The following PDXK variants were observed in gnomAD, a reference collection of about 807,000 sequenced individuals.
PDXK encodes epididymis secretory sperm binding protein Li 1a.
Under a neutral mutation model 43.2 loss-of-function variants are expected in PDXK, and 15 were observed. The ratio of observed to expected loss-of-function variants is 0.35; its 90% CI spans 0.23 to 0.53. The LOEUF is 0.53. Among genes scored for constraint, PDXK ranks in the 20% least tolerant of loss-of-function variants. PDXK has a pLI of 0.92. For synonymous variants in PDXK, 172 were observed against 165.4 expected (o/e 1.04, Z -0.31); for missense variants, 343 against 417.0 (o/e 0.82, Z 1.54).
At position 43,755,998 on chromosome 21, in the gene PDXK, C is replaced by CG; in HGVS notation, c.876dup (p.Met293AspfsTer55). 6.2e-7 allele frequency: 1 copy of CG among 1,613,184 alleles called. No individual in the cohort carries two copies. Among genetic ancestry groups the CG allele is most frequent in the Non-Finnish European group, 8.5e-7 (1 of 1,179,614 alleles). On this transcript the variant is annotated frameshift_variant, in exon 11 of 11. Coordinates refer to ENST00000291565, the MANE Select transcript of PDXK (RefSeq NM_003681.5). LOFTEE classifies it high-confidence loss of function. ...GCCCAGCCCCATGCAGCTGGAGCTG[C>CG]GGATGGTGCAGAGCAAAAGGGACAT... is the stretch of plus-strand genomic sequence containing the variant.
intron 4 of PDXK, chr21:43,744,408 G>A (rs1283403261): frequency 6.2e-6 from 1 of 160,374 alleles, no homozygotes; most frequent in Non-Finnish European, 1.4e-5. Flanking sequence ...GGTCTCCCGG[G>A]TGGCAGGAGG....
intron 2 of PDXK, among the ~76,000 whole-genome samples, chr21:43,736,629 G>GTTTTTTTTTTT (rs34234452): frequency 3.4e-5 from 4 of 118,646 alleles, no homozygotes; most frequent in African/African-American, 1.3e-4. Flanking sequence ...TCCTTTTTCT[G>GTTTTTTTTTTT]TTTTTTTTTT....
rs528008262 is a variant in PDXK at position 43,754,537 on chromosome 21, G to A, written c.759+818G>A. Among the ~76,000 whole-genome samples, 5 of 152,248 alleles carry A rather than the reference G, an allele frequency of 3.3e-5. No individual in the cohort carries two copies. Among genetic ancestry groups the A allele is most frequent in the East Asian group, 1.9e-4 (1 of 5,166 alleles). On this transcript the variant is annotated intron_variant, in intron 9 of 10. Transcript: ENST00000291565. This position sits in a 1 kb window ranked among gnomAD's most constrained non-coding sequence, Gnocchi z 5.5. ...CTGGAGTGTGTCTTCTTACAACACCGTCCAGAGCCGTGCTGTGCTCTGAGG... is the reference window on the plus strand; with the variant it reads ...CTGGAGTGTGTCTTCTTACAACACCATCCAGAGCCGTGCTGTGCTCTGAGG...
rs2083419449 is a variant in PDXK, at chr21:43,737,210, T to C, written c.142+3087T>C. The C allele has an allele frequency of 1.4e-6, 2 of 1,435,132 alleles. No homozygotes were observed. The highest frequency in any genetic ancestry group is 3.0e-5 in the South Asian group (2 of 67,660). 88.9% of individuals were successfully genotyped at this position (1,435,132 alleles called of 1,614,324 possible). ...TGTTCCACACAAGCTGCGTTGTTGG[T>C]TCCCTGACGCCCTTCAGGCTGGGGG... On this transcript the variant is annotated intron_variant, in intron 2 of 10. Coordinates refer to ENST00000291565, the MANE Select transcript of PDXK (RefSeq NM_003681.5). This position sits in a 1 kb window ranked among gnomAD's most constrained non-coding sequence, Gnocchi z 4.8.
chr21:43,747,463 C>T (rs374151120), intron 5 of PDXK, among the ~76,000 whole-genome samples: 10 of 152,352 alleles, frequency 6.6e-5, no homozygotes, highest in Admixed American at 3.3e-4. Flanking sequence ...CTCCCTGCCC[C>T]GCTGGGTCAG....
Position 43,737,248 on chromosome 21 carries a change from A to G in PDXK, c.142+3125A>G. 1 of 1,425,022 alleles carries G rather than the reference A, an allele frequency of 7.0e-7. No individual in the cohort carries two copies. Among genetic ancestry groups the G allele is most frequent in the Non-Finnish European group, 9.2e-7 (1 of 1,092,830 alleles). 88.3% of individuals were successfully genotyped at this position (1,425,022 alleles called of 1,614,324 possible). ...TTCAGGCTGGGGGGTGGGAAAGCCG[A>G]TCCCCCAAGTGCCTGCAGAGCCCAC... is the stretch of plus-strand genomic sequence containing the variant. On this transcript the variant is annotated intron_variant, in intron 2 of 10. Transcript: ENST00000291565. This position sits in a 1 kb window ranked among gnomAD's most constrained non-coding sequence, Gnocchi z 4.8.
chr21:43,722,727 G>A (rs2083216902), intron 1 of PDXK, among the ~76,000 whole-genome samples: 1 of 152,158 alleles, frequency 6.6e-6, no homozygotes. Flanking sequence ...GTCCTCACGT[G>A]GCCTCCGCCC....
chr21:43,741,134 A>C, intron 2 of PDXK: 1 of 81,480 alleles, frequency 1.2e-5, no homozygotes, highest in African/African-American at 5.2e-5. Context: ...CGTAGTAACC[A>C]TCCCTGACAG....
intron 1 of PDXK, among the ~76,000 whole-genome samples, chr21:43,726,012 T>TTCTCTCTCTC (rs60147387): frequency 2.0e-5 from 3 of 147,750 alleles, no homozygotes; most frequent in African/African-American, 7.5e-5. Flanking sequence ...CTAGCTGGGA[T>TTCTCTCTCTC]TCTCTCTCTC....
chr21:43,733,613 C>T (rs941279256), intron 1 of PDXK: 2 of 1,039,086 alleles, frequency 1.9e-6, no homozygotes, highest in African/African-American at 1.7e-5. Flanking sequence ...CCCGCGGAGC[C>T]CTTGGCCTGA....
intron 2 of PDXK, among the ~76,000 whole-genome samples, chr21:43,736,710 G>A (rs1021591775): frequency 4.1e-5 from 6 of 145,594 alleles, no homozygotes; most frequent in African/African-American, 1.5e-4. Context: ...ATGACTCACT[G>A]CAGCCTTGAC....
chr21:43,742,978 G>A (rs919761966), intron 3 of PDXK, among the ~76,000 whole-genome samples: 2 of 152,286 alleles, frequency 1.3e-5, no homozygotes, highest in East Asian at 1.9e-4. Flanking sequence ...GTGAAGCACA[G>A]CGTTTCTGTT....
chr21:43,741,982 T>C (rs1000000157), intron 3 of PDXK, among the ~76,000 whole-genome samples: 8 of 152,066 alleles, frequency 5.3e-5, no homozygotes, highest in African/African-American at 1.7e-4. Context: ...CTGCCCAGGC[T>C]GTGCCAAGTC....
At chr21:43,744,730 A>G (rs2083606542) in intron 4 of PDXK, 1 of 152,276 alleles carries the variant, frequency 6.6e-6, no homozygotes, top group Non-Finnish European at 1.5e-5. Context: ...CAAGTGGAAC[A>G]CCATCACCAT....
At position 43,756,012 on chromosome 21, in the gene PDXK, C is replaced by T. The variant is rs2083844232; in HGVS notation, c.888C>T (p.Ser296=). 1 of 1,613,312 alleles carries T rather than the reference C, an allele frequency of 6.2e-7. No individual in the cohort carries two copies. The highest frequency in any genetic ancestry group is 8.5e-7 in the Non-Finnish European group (1 of 1,179,736). ...AGCTGGAGCTGCGGATGGTGCAGAG[C>T]AAAAGGGACATCGAGGACCCAGAGA... The part of the protein sequence containing the change: ...PMQLELRMVQ[S]KRDIEDPEIV... The change falls in exon 11 of 11, where the codon AGC becomes AGT. Residue 296 remains serine, a synonymous_variant. Transcript: ENST00000291565.
intron 1 of PDXK, chr21:43,719,751 G>GC (rs2083191275): frequency 5.1e-6 from 5 of 985,482 alleles, no homozygotes; most frequent in Admixed American, 6.1e-5. Context: ...ATGTCGCAGA[G>GC]CCCCGAGGAG....
intron 2 of PDXK, chr21:43,738,475 TG>T (rs2083440710): frequency 6.6e-6 from 1 of 152,212 alleles, no homozygotes; most frequent in South Asian, 2.1e-4. Context: ...GTGGAATGCC[TG>T]TATAAACTGG....
At chr21:43,738,114 AG>A in intron 2 of PDXK, 1 of 912,060 alleles carries the variant, frequency 1.1e-6, no homozygotes, top group Non-Finnish European at 1.3e-6. Flanking sequence ...CCTTAACCCC[AG>A]CACCTCAGTG....
Position 43,752,637 on chromosome 21 carries a change from C to T in PDXK, c.622+8C>T, listed in dbSNP as rs1390207842. 1.0e-5 allele frequency: 16 copies of T among 1,541,750 alleles called. No homozygotes were observed. The highest frequency in any genetic ancestry group is 1.7e-5 in the Admixed American group (1 of 59,892). ...TGGGGAGTCAGAGGAGGAGTAAGTG[C>T]CCCCATCGTGCACCGTGGCCGCCTC... On this transcript the variant is annotated splice_region_variant and intron_variant, in intron 8 of 10. Transcript: ENST00000291565.
Sources: allele counts gnomAD v4.1 joint callset (sites outside exome capture counted in the v4.1 genomes callset), GRCh38; gene constraint gnomAD v4.1.1; non-coding constraint Gnocchi (gnomAD v3.1); transcripts MANE v1.5; gene names NCBI Gene and HGNC (gene_info 2026-07-23, HGNC 2026-07-21).